Variants in FSIP1 observed in about 807,000 individuals in gnomAD.
The protein encoded by FSIP1 is fibrous sheath interacting protein 1.
FSIP1 carries 65 observed loss-of-function variants against 60.9 expected under a neutral mutation model. The ratio of observed to expected loss-of-function variants is 1.07; its 90% CI spans 0.87 to 1.31. The LOEUF is 1.31. FSIP1 is among the 40% of genes most tolerant of loss of function. The probability of loss-of-function intolerance (pLI) is 0.00; values close to 1 mark genes in which losing one functional copy is unlikely to be tolerated. For synonymous variants in FSIP1, 209 were observed against 221.2 expected, an observed-to-expected ratio of 0.94 and a Z score of 0.49; for missense variants, 675 against 665.5, an observed-to-expected ratio of 1.01 and a Z score of -0.16.
At chr15:39,602,096 G>C (rs1221847836) in intron 11 of FSIP1, among the ~76,000 whole-genome samples, 6 of 152,172 alleles carry the variant, frequency 3.9e-5, no homozygotes, top group Non-Finnish European at 8.8e-5. Flanking sequence ...ACCTGTGAAA[G>C]GGGTCTTTCT....
intron 10 of FSIP1, among the ~76,000 whole-genome samples, chr15:39,697,776 A>G (rs1280351472): frequency 6.6e-6 from 1 of 152,230 alleles, no homozygotes; most frequent in Non-Finnish European, 1.5e-5. Flanking sequence ...TTCCAAGATT[A>G]CACATATGGT....
chr15:39,704,371 T>A (rs1895181918), intron 10 of FSIP1, among the ~76,000 whole-genome samples: 1 of 152,256 alleles, frequency 6.6e-6, no homozygotes, highest in Admixed American at 6.5e-5. Context: ...TCTTCCTATT[T>A]AACCACAAAC....
chr15:39,722,654 C>T (rs1455617359), intron 9 of FSIP1, among the ~76,000 whole-genome samples: 1 of 152,124 alleles, frequency 6.6e-6, no homozygotes, highest in African/African-American at 2.4e-5. Context: ...CACCACAGCA[C>T]TTTACTTAGA....
intron 11 of FSIP1, among the ~76,000 whole-genome samples, chr15:39,609,529 A>C (rs1356280097): frequency 6.6e-6 from 1 of 151,984 alleles, no homozygotes; most frequent in Non-Finnish European, 1.5e-5. Flanking sequence ...GCCCCACCCA[A>C]CCCCAGCAGC....
At chr15:39,719,166 C>T (rs1399409719) in intron 9 of FSIP1, among the ~76,000 whole-genome samples, 1 of 152,144 alleles carries the variant, frequency 6.6e-6, no homozygotes, top group Non-Finnish European at 1.5e-5. Context: ...TGCCCAGCTG[C>T]AAAAAGCTCT....
At chr15:39,601,554 G>A (rs1327454209) in intron 11 of FSIP1, among the ~76,000 whole-genome samples, 1 of 152,212 alleles carries the variant, frequency 6.6e-6, no homozygotes, top group Non-Finnish European at 1.5e-5. Flanking sequence ...CTAGGTATAA[G>A]CCCAAGAGAA....
At chr15:39,683,838 C>T (rs1159666135) in intron 10 of FSIP1, among the ~76,000 whole-genome samples, 7 of 152,046 alleles carry the variant, frequency 4.6e-5, no homozygotes, top group African/African-American at 1.7e-4. Flanking sequence ...AGAAAAAATA[C>T]CACTTACAGT....
intron 11 of FSIP1, among the ~76,000 whole-genome samples, chr15:39,615,564 A>G (rs1304356965): frequency 6.6e-6 from 1 of 152,088 alleles, no homozygotes; most frequent in Non-Finnish European, 1.5e-5. Flanking sequence ...ACGAGATGCT[A>G]CATCACACCT....
chr15:39,617,003 A>C (rs898553500), intron 11 of FSIP1, among the ~76,000 whole-genome samples: 2 of 152,238 alleles, frequency 1.3e-5, no homozygotes, highest in Non-Finnish European at 2.9e-5. Flanking sequence ...TGGGTGACTA[A>C]GGAAATGGAA....
intron 9 of FSIP1, among the ~76,000 whole-genome samples, chr15:39,725,154 C>A (rs1896139086): frequency 6.6e-6 from 1 of 152,176 alleles, no homozygotes; most frequent in Non-Finnish European, 1.5e-5. Flanking sequence ...TCACTTGAAC[C>A]CAGGAGGCGG....
chr15:39,648,614 T>C (rs1299158099), intron 10 of FSIP1, among the ~76,000 whole-genome samples: 3 of 152,206 alleles, frequency 2.0e-5, no homozygotes, highest in Non-Finnish European at 4.4e-5. Context: ...TAAACAGATT[T>C]TTAAAATTAT....
At chr15:39,732,843 C>T (rs1896461924) in intron 8 of FSIP1, among the ~76,000 whole-genome samples, 1 of 152,090 alleles carries the variant, frequency 6.6e-6, no homozygotes, top group Non-Finnish European at 1.5e-5. Context: ...TGAGGAACAG[C>T]AAGAAGTTCG....
intron 11 of FSIP1, among the ~76,000 whole-genome samples, 183 bp downstream of exon 11, chr15:39,617,552 C>G (rs900041167): frequency 2.0e-5 from 3 of 152,198 alleles, no homozygotes; most frequent in Non-Finnish European, 4.4e-5. Flanking sequence ...TCATAGAGTA[C>G]TAACCTCAAC....
At chr15:39,710,540 A>G (rs1320028313) in intron 10 of FSIP1, among the ~76,000 whole-genome samples, 2 of 152,172 alleles carry the variant, frequency 1.3e-5, no homozygotes, top group Non-Finnish European at 2.9e-5. Flanking sequence ...TATAAAACAC[A>G]AAACTATGAA....
intron 9 of FSIP1, among the ~76,000 whole-genome samples, chr15:39,717,962 TG>T (rs1380357668): frequency 6.6e-6 from 1 of 152,212 alleles, no homozygotes; most frequent in Non-Finnish European, 1.5e-5. Context: ...GGGCTGGGGT[TG>T]GCTAACCCTT....
In FSIP1 at chr15:39,637,599, T is replaced by C. The variant is rs564886709; in HGVS notation, c.1189-19354A>G. On this transcript the variant is annotated intron_variant, in intron 10 of 11. Transcript: ENST00000350221. ...TGAGTAGACCATCACCCATTCTCTGTAGTCTGTCCATTAGTACCGAGTGGG... is the reference window on the plus strand; with the variant it reads ...TGAGTAGACCATCACCCATTCTCTGCAGTCTGTCCATTAGTACCGAGTGGG... Among the ~76,000 whole-genome samples, 4 of 152,328 alleles carry C rather than the reference T, an allele frequency of 2.6e-5. No individual in the cohort carries two copies. The South Asian group carries it at 8.3e-4, about 32-fold the overall frequency.
chr15:39,603,340 C>A (rs1394849257), intron 11 of FSIP1, among the ~76,000 whole-genome samples: 1 of 152,172 alleles, frequency 6.6e-6, no homozygotes, highest in Non-Finnish European at 1.5e-5. Flanking sequence ...CTGCCAGAAC[C>A]CACCCCTAGA....
chr15:39,749,174 C>A (rs1897087908), intron 5 of FSIP1, among the ~76,000 whole-genome samples: 1 of 148,948 alleles, frequency 6.7e-6, no homozygotes, highest in Non-Finnish European at 1.5e-5. Context: ...AACTTCCCCG[C>A]AAAGAAAACC....
At chr15:39,724,198 T>C (rs1014845438) in intron 9 of FSIP1, among the ~76,000 whole-genome samples, 1 of 152,056 alleles carries the variant, frequency 6.6e-6, no homozygotes, top group South Asian at 2.1e-4. Flanking sequence ...GAACCATAAA[T>C]GTGAACTCTG....
Sources: gnomAD v4.1 joint callset for allele counts (sites outside exome capture counted in the v4.1 genomes callset) on GRCh38, gnomAD v4.1.1 for gene constraint, MANE v1.5 for transcripts, NCBI Gene and HGNC (gene_info 2026-07-23, HGNC 2026-07-21) for gene names.